The following HELQ variants were observed in gnomAD, a reference collection of about 807,000 sequenced individuals.
The protein encoded by HELQ is helicase POLQ-like.
In HELQ, 77 loss-of-function variants were observed where a neutral mutation model predicts 111.6. The observed-to-expected ratio is 0.69, with a 90% CI of 0.57 to 0.83. HELQ has a LOEUF of 0.83. HELQ is among the 40% of genes least tolerant of loss of function. The probability of loss-of-function intolerance (pLI) is 0.00; values close to 1 mark genes in which losing one functional copy is unlikely to be tolerated. For synonymous variants in HELQ, 438 were observed against 454.7 expected (o/e 0.96, Z 0.47); for missense variants, 1,200 against 1,288.5 (o/e 0.93, Z 1.05).
At position 83,427,647 on chromosome 4, in the gene HELQ, T is replaced by G; in HGVS notation, c.2592A>C (p.Glu864Asp). 6.2e-7 allele frequency: 1 copy of G among 1,607,782 alleles called. No homozygotes were observed. The highest frequency in any genetic ancestry group is 8.5e-7 in the Non-Finnish European group (1 of 1,177,288). Residue 864 changes from glutamate (E) to aspartate (D), a missense_variant, in exon 13 of 18, where the codon GAA becomes GAC. Physicochemically the swap from Glu to Asp is conservative, Grantham distance 45 (BLOSUM62 2). Around this residue, in one of 3 missense-constraint regions of HELQ, gnomAD observed 585 missense variants for 665.3 expected, o/e 0.88. Transcript: ENST00000295488. ...LKKGLEGLVL[E>D]SLLHLIYLTT... Reference sequence around the variant, plus strand: ...TTAGGTAGATTAGATGAAGAAGGCTTTCAAGCACAAGTCCTTCAAGACCTT... The same window carrying G: ...TTAGGTAGATTAGATGAAGAAGGCTGTCAAGCACAAGTCCTTCAAGACCTT...
At chr4:83,441,130 G>T (rs935294883) in intron 7 of HELQ, among the ~76,000 whole-genome samples, 175 bp downstream of exon 7, 3 of 152,228 alleles carry the variant, frequency 2.0e-5, no homozygotes, top group Non-Finnish European at 4.4e-5. Context: ...GTGATCTAAT[G>T]TTGAAACTGG....
rs768479720 is a variant in HELQ at position 83,421,723 on chromosome 4, T to C, written c.2789A>G (p.Asn930Ser). ...GQAIGKKVDK[N>S]VVNRLYLSFV... is the part of the protein sequence containing the mutation. ...AGACAGATATAGCCTGTTGACAACG[T>C]TCTTGTCCACCTTCTAGAAAGACAC... The change falls in exon 15 of 18, where the codon AAC (asparagine) becomes AGC (serine). Residue 930 changes from asparagine (N) to serine (S), a missense_variant. Asn to Ser is a conservative substitution (Grantham distance 46, BLOSUM62 1). Coordinates refer to ENST00000295488, the MANE Select transcript of HELQ (RefSeq NM_133636.5). 2 of 1,612,834 alleles carry C rather than the reference T, an allele frequency of 1.2e-6. No homozygotes were observed. The highest frequency in any genetic ancestry group is 1.7e-6 in the Non-Finnish European group (2 of 1,179,496).
At chr4:83,438,782 A>G (rs1720602895) in intron 8 of HELQ, among the ~76,000 whole-genome samples, 1 of 151,016 alleles carries the variant, frequency 6.6e-6, no homozygotes, top group Admixed American at 6.6e-5. Flanking sequence ...AGAGAAAAAA[A>G]GGCAATGGAA....
chr4:83,448,039 A>C (rs531053910), intron 3 of HELQ, among the ~76,000 whole-genome samples: 153 of 151,698 alleles, frequency 1.0e-3, no homozygotes, highest in African/African-American at 3.5e-3. Flanking sequence ...ATGAAAACCC[A>C]TCTCTACTAA....
In HELQ at chr4:83,429,634, A is replaced by G; in HGVS notation, c.2408T>C (p.Leu803Pro). 6.2e-7 allele frequency: 1 copy of G among 1,612,762 alleles called. No homozygotes were observed. Among genetic ancestry groups the G allele is most frequent in the Admixed American group, 1.7e-5 (1 of 60,002 alleles). Residue 803 changes from leucine (L) to proline (P), a missense_variant, in exon 12 of 18, where the codon CTT (leucine) becomes CCT (proline). Leu to Pro is a moderately conservative substitution (Grantham distance 98). Coordinates refer to ENST00000295488, the MANE Select transcript of HELQ (RefSeq NM_133636.5). ...GAGTCCTTTTTCTGTCAGGTATCTAAGTGATTCAACAGTTATTTCCCAGAG... is the reference window on the plus strand; with the variant it reads ...GAGTCCTTTTTCTGTCAGGTATCTAGGTGATTCAACAGTTATTTCCCAGAG... ...KSLWEITVES[L>P]RYLTEKGLLQ...
At chr4:83,420,604 G>A (rs1312520283) in intron 15 of HELQ, among the ~76,000 whole-genome samples, 1 of 152,160 alleles carries the variant, frequency 6.6e-6, no homozygotes, top group Non-Finnish European at 1.5e-5. Context: ...GGCCAATATG[G>A]TGAAACCCTA....
chr4:83,424,443 T>C (rs1719733991), intron 14 of HELQ, among the ~76,000 whole-genome samples: 1 of 152,238 alleles, frequency 6.6e-6, no homozygotes, highest in Admixed American at 6.5e-5. Flanking sequence ...ATTTTTATTT[T>C]TGAGACAGGG....
chr4:83,432,665 C>T (rs184973315), intron 9 of HELQ, among the ~76,000 whole-genome samples: 2 of 152,306 alleles, frequency 1.3e-5, no homozygotes, highest in African/African-American at 4.8e-5. Flanking sequence ...TATGACCATA[C>T]ACCACTAACA....
chr4:83,435,128 A>G (rs1720381374), intron 9 of HELQ, among the ~76,000 whole-genome samples: 1 of 152,190 alleles, frequency 6.6e-6, no homozygotes, highest in Admixed American at 6.5e-5. Flanking sequence ...AAAGTTGGGA[A>G]AATTATTTAA....
intron 9 of HELQ, among the ~76,000 whole-genome samples, chr4:83,433,918 T>G (rs1720301425): frequency 6.8e-6 from 1 of 147,026 alleles, no homozygotes; most frequent in African/African-American, 2.5e-5. Flanking sequence ...GAGGCAGAGG[T>G]TGCAGTGAGC....
In HELQ at chr4:83,450,939, T is replaced by C. The variant is rs180774749; in HGVS notation, c.1013-1978A>G. ...CACGATCACAGATTGCCAGGTCGTA[T>C]TCCTAGAGGTTCTGACGCAGTAGGT... On this transcript the variant is annotated intron_variant, in intron 2 of 17. Coordinates refer to ENST00000295488, the MANE Select transcript of HELQ (RefSeq NM_133636.5). 3.3e-5 allele frequency among the ~76,000 whole-genome samples: 5 copies of C among 152,298 alleles called. No individual in the cohort carries two copies. The East Asian group carries it at 9.6e-4, about 29-fold the overall frequency.
chr4:83,432,099 C>A, intron 10 of HELQ, 27 bp downstream of exon 10: 1 of 1,522,986 alleles, frequency 6.6e-7, no homozygotes, highest in Non-Finnish European at 8.8e-7. Flanking sequence ...AAGACAAAAA[C>A]AACCAACCAA....
chr4:83,449,075 T>C, intron 2 of HELQ, 114 bp from the exon 3 acceptor site: 2 of 749,396 alleles, frequency 2.7e-6, no homozygotes, highest in South Asian at 2.0e-5. Flanking sequence ...CTCATAAGGA[T>C]AAATTTAATT....
chr4:83,442,259 A>AGT (rs1720800117), intron 6 of HELQ, among the ~76,000 whole-genome samples: 1 of 101,598 alleles, frequency 9.8e-6, no homozygotes, highest in Non-Finnish European at 2.0e-5. Flanking sequence ...TAAAAACATC[A>AGT]ATTTTTTTTT....
chr4:83,453,890 G>A lies in HELQ; in HGVS notation c.353C>T (p.Ser118Phe). 1 of 1,613,966 alleles carries A rather than the reference G, an allele frequency of 6.2e-7. No individual in the cohort carries two copies. The highest frequency in any genetic ancestry group is 8.5e-7 in the Non-Finnish European group (1 of 1,179,940). ...CAGGTCGTCAACTTGAGCTATAAAG[G>A]AGTTTTCAGTAAAGCTATCATAGTC... ...FGDYDSFTEN[S>F]FIAQVDDLEQ... The change falls in exon 2 of 18, where the codon TCC becomes TTC. Residue 118 changes from serine to phenylalanine, a missense_variant. By Grantham distance (155) the Ser-to-Phe change is radical. Transcript: ENST00000295488.
chr4:83,414,099 A>G (rs1739241047), intron 17 of HELQ, among the ~76,000 whole-genome samples: 1 of 152,236 alleles, frequency 6.6e-6, no homozygotes, highest in Non-Finnish European at 1.5e-5. Flanking sequence ...TAGGGTTATC[A>G]GTATGAGCTC....
intron 9 of HELQ, 42 bp downstream of exon 9, chr4:83,436,816 T>C (rs777016333): frequency 1.9e-6 from 3 of 1,564,894 alleles, no homozygotes; most frequent in Non-Finnish European, 2.6e-6. Context: ...AAGCTAGAAA[T>C]GGAAAAGTTC....
At chr4:83,429,961 T>C (rs1245244874) in intron 11 of HELQ, among the ~76,000 whole-genome samples, 3 of 152,194 alleles carry the variant, frequency 2.0e-5, no homozygotes, top group Admixed American at 6.5e-5. Flanking sequence ...ATGCTTTTTA[T>C]GAAAACATGT....
Position 83,440,004 on chromosome 4 carries a change from G to A in HELQ, c.1667C>T (p.Ser556Phe). The change falls in exon 8 of 18, where the codon TCT becomes TTT. Residue 556 changes from serine to phenylalanine, a missense_variant. By Grantham distance (155) the Ser-to-Phe change is radical. This residue lies in a region of HELQ where 585 missense variants were observed against 665.3 expected (regional missense o/e 0.88). Transcript: ENST00000295488. Reference sequence around the variant, plus strand: ...AGGATCCATCTTTTTTAGGGTATCAGAATACTGCAAAACAACAAGATGTAG... The same window carrying A: ...AGGATCCATCTTTTTTAGGGTATCAAAATACTGCAAAACAACAAGATGTAG... ...TFSRLLNYKYSDTLKKMDPDH... is the reference protein window; with the variant it reads ...TFSRLLNYKYFDTLKKMDPDH... 1 of 1,607,210 alleles carries A rather than the reference G, an allele frequency of 6.2e-7. No homozygotes were observed. The highest frequency in any genetic ancestry group is 8.5e-7 in the Non-Finnish European group (1 of 1,177,832).
Sources: allele counts gnomAD v4.1 joint callset (sites outside exome capture counted in the v4.1 genomes callset), GRCh38; gene constraint gnomAD v4.1.1; regional missense constraint gnomAD v4.1.1; transcripts MANE v1.5; gene names NCBI Gene and HGNC (gene_info 2026-07-23, HGNC 2026-07-21).